The following JPH1 variants were observed in gnomAD, a reference collection of about 807,000 sequenced individuals.
The protein encoded by JPH1 is junctophilin-1.
JPH1 carries 12 observed loss-of-function variants against 53.6 expected under a neutral mutation model. The ratio of observed to expected loss-of-function variants is 0.22; its 90% CI spans 0.14 to 0.36. The LOEUF (loss-of-function observed/expected upper bound fraction) is 0.36, where lower values mean the gene tolerates loss of function less well. JPH1 is among the 10% of genes least tolerant of loss of function. JPH1 has a pLI of 1.00. For missense variants in JPH1, 808 were observed against 905.5 expected (o/e 0.89, Z 1.38); for synonymous variants, 375 against 363.8 (o/e 1.03, Z -0.35).
At chr8:74,299,260 G>A (rs1389686385) in intron 2 of JPH1, among the ~76,000 whole-genome samples, 1 of 152,056 alleles carries the variant, frequency 6.6e-6, no homozygotes, top group South Asian at 2.1e-4. Context: ...TATTCACCTC[G>A]TCTTTCTAAT....
intron 2 of JPH1, among the ~76,000 whole-genome samples, chr8:74,306,542 ATATAAAG>A (rs774777514): frequency 9.2e-5 from 14 of 152,154 alleles, no homozygotes; most frequent in African/African-American, 2.9e-4. Flanking sequence ...GAGGATAACA[ATATAAAG>A]TATAAAGTAC....
At position 74,321,279 on chromosome 8, in the gene JPH1, G is replaced by T. The variant is rs761429402; in HGVS notation, c.9C>A (p.Gly3=). ...CGCCATCGTCGAAGTCGAACCTTCC[G>T]CCCGTCATTCGGGGGGCAGCCCCGG... MT[G]GRFDFDDGGT... Residue 3 remains glycine (G), a synonymous_variant, in exon 1 of 6, where the codon GGC becomes GGA. Coordinates refer to ENST00000342232, the MANE Select transcript of JPH1 (RefSeq NM_020647.4). The surrounding 1 kb of genome is among the most constrained non-coding windows in gnomAD (Gnocchi z 4.3). 12 of 1,578,068 alleles carry T rather than the reference G, an allele frequency of 7.6e-6. No individual in the cohort carries two copies. Among genetic ancestry groups the T allele is most frequent in the Non-Finnish European group, 1.0e-5 (12 of 1,162,156 alleles).
chr8:74,287,045 CA>C (rs1807182960), intron 2 of JPH1, among the ~76,000 whole-genome samples: 4 of 152,208 alleles, frequency 2.6e-5, no homozygotes, highest in Non-Finnish European at 5.9e-5. Flanking sequence ...TTTTAATTTA[CA>C]ACTCTCAAGA....
rs904593537 is a variant in JPH1, at chr8:74,321,344, C to T, written c.-57G>A. On this transcript the variant is annotated 5_prime_UTR_variant, in exon 1 of 6. Coordinates refer to ENST00000342232, the MANE Select transcript of JPH1 (RefSeq NM_020647.4). This position sits in a 1 kb window ranked among gnomAD's most constrained non-coding sequence, Gnocchi z 4.3. ...GGGCACGGACGCGGGCAGTGCTGGG[C>T]ACGGCAGGGTGTAGCTCGGGGGTGG... 1.6e-5 allele frequency: 23 copies of T among 1,449,952 alleles called. No homozygotes were observed. The highest frequency in any genetic ancestry group is 2.1e-5 in the Non-Finnish European group (23 of 1,103,380). 89.8% of individuals were successfully genotyped at this position (1,449,952 alleles called of 1,614,324 possible).
At chr8:74,241,940 T>C (rs1025169395) in intron 4 of JPH1, among the ~76,000 whole-genome samples, 4 of 152,214 alleles carry the variant, frequency 2.6e-5, no homozygotes, top group Admixed American at 6.5e-5. Context: ...ATGCCTCTTC[T>C]GACCCTACCA....
At chr8:74,307,668 C>T (rs930184073) in intron 2 of JPH1, among the ~76,000 whole-genome samples, 9 of 152,142 alleles carry the variant, frequency 5.9e-5, no homozygotes, top group African/African-American at 1.9e-4. Flanking sequence ...GTTAAAATCA[C>T]TTGTGCTAAT....
At chr8:74,244,157 C>T (rs1026588849) in intron 4 of JPH1, among the ~76,000 whole-genome samples, 6 of 152,182 alleles carry the variant, frequency 3.9e-5, no homozygotes, top group South Asian at 2.1e-4. Flanking sequence ...GCTCTGAGAG[C>T]GGCTGGCCCT....
At chr8:74,269,645 G>T (rs1437610545) in intron 2 of JPH1, among the ~76,000 whole-genome samples, 5 of 152,206 alleles carry the variant, frequency 3.3e-5, no homozygotes, top group Non-Finnish European at 7.4e-5. Flanking sequence ...ATAAAACACT[G>T]TTTGAACTGA....
At chr8:74,238,735 G>A (rs547522752) in intron 4 of JPH1, among the ~76,000 whole-genome samples, 195 of 152,256 alleles carry the variant, frequency 1.3e-3, no homozygotes, top group African/African-American at 4.5e-3. Context: ...TCAGCTCATC[G>A]CAGCCTTGAC....
chr8:74,256,706 T>C (rs529859013), intron 3 of JPH1, among the ~76,000 whole-genome samples: 9 of 152,260 alleles, frequency 5.9e-5, no homozygotes, highest in Admixed American at 1.3e-4. Flanking sequence ...AAAACCACAA[T>C]GAGATGTCAT....
At chr8:74,257,899 C>T (rs1484160735) in intron 3 of JPH1, among the ~76,000 whole-genome samples, 1 of 152,148 alleles carries the variant, frequency 6.6e-6, no homozygotes, top group Non-Finnish European at 1.5e-5. Context: ...GGTCCCTCCC[C>T]AGCCTTTCTC....
Position 74,315,288 on chromosome 8 carries a change from A to G in JPH1, c.712T>C (p.Ser238Pro). The G allele has an allele frequency of 6.2e-7, 1 of 1,614,104 alleles. No homozygotes were observed. ...SKSSISSKRS[S>P]VRSDAAMSRI... ...CTCATGGCCGCGTCGCTGCGGACAG[A>G]GCTGCGCTTGCTCGAGATGGAAGAC... Residue 238 changes from serine (S) to proline (P), a missense_variant, in exon 2 of 6, where the codon TCT becomes CCT. Around this residue, in one of 2 missense-constraint regions of JPH1, gnomAD observed 756 missense variants for 811.9 expected, o/e 0.93. Transcript: ENST00000342232. This position sits in a 1 kb window ranked among gnomAD's most constrained non-coding sequence, Gnocchi z 6.3.
At chr8:74,291,020 T>G (rs542116473) in intron 2 of JPH1, among the ~76,000 whole-genome samples, 1 of 152,184 alleles carries the variant, frequency 6.6e-6, no homozygotes, top group South Asian at 2.1e-4. Context: ...CCTAAAACCA[T>G]AAAAACCCTA....
chr8:74,248,803 G>A (rs2131381089), intron 3 of JPH1, among the ~76,000 whole-genome samples: 1 of 152,336 alleles, frequency 6.6e-6, no homozygotes, highest in East Asian at 1.9e-4. Context: ...TGTAGTAAAT[G>A]TGTGTCAGCA....
At chr8:74,261,768 T>C (rs1319261968) in intron 2 of JPH1, among the ~76,000 whole-genome samples, 1 of 152,212 alleles carries the variant, frequency 6.6e-6, no homozygotes, top group Non-Finnish European at 1.5e-5. Context: ...GGTGTCATAA[T>C]TAATGAAGCC....
intron 2 of JPH1, among the ~76,000 whole-genome samples, chr8:74,292,268 G>A (rs1807351670): frequency 6.6e-6 from 1 of 152,198 alleles, no homozygotes; most frequent in Admixed American, 6.5e-5. Context: ...CAGTGATGTG[G>A]AATGTTCCAC....
At chr8:74,283,722 G>T (rs1483599298) in intron 2 of JPH1, among the ~76,000 whole-genome samples, 1 of 152,206 alleles carries the variant, frequency 6.6e-6, no homozygotes, top group Non-Finnish European at 1.5e-5. Context: ...TGCACACACA[G>T]CTCCCCCTCC....
At chr8:74,316,870 TTTAA>T (rs1808173912) in intron 1 of JPH1, among the ~76,000 whole-genome samples, 1 of 152,224 alleles carries the variant, frequency 6.6e-6, no homozygotes, top group Non-Finnish European at 1.5e-5. Context: ...ATCAATTTCC[TTTAA>T]TTAAGGGTAA....
chr8:74,318,385 C>T (rs1029450724), intron 1 of JPH1, among the ~76,000 whole-genome samples: 4 of 152,030 alleles, frequency 2.6e-5, no homozygotes, highest in Non-Finnish European at 4.4e-5. Context: ...TTATATGCTC[C>T]GAATGGGTAT....
Sources: allele counts gnomAD v4.1 joint callset (sites outside exome capture counted in the v4.1 genomes callset), GRCh38; gene constraint gnomAD v4.1.1; regional missense constraint gnomAD v4.1.1; non-coding constraint Gnocchi (gnomAD v3.1); transcripts MANE v1.5; gene names NCBI Gene and HGNC (gene_info 2026-07-23, HGNC 2026-07-21).